The following FBXL7 variants were observed in gnomAD, a reference collection of about 807,000 sequenced individuals.
FBXL7 encodes the protein F-box/LRR-repeat protein 7.
In FBXL7, 12 loss-of-function variants were observed where a neutral mutation model predicts 38.3. The ratio of observed to expected loss-of-function variants is 0.31; its 90% CI spans 0.20 to 0.51. The LOEUF is 0.51. Ranked by LOEUF, FBXL7 falls within the 20% of genes least tolerant of loss-of-function variation. FBXL7 has a pLI of 0.98. For missense variants in FBXL7, 567 were observed against 676.4 expected (o/e 0.84, Z 1.79); for synonymous variants, 297 against 300.9 (o/e 0.99, Z 0.13).
At position 15,857,885 on chromosome 5, in the gene FBXL7, ATG is replaced by A. The variant is rs201368638; in HGVS notation, c.128-70001_128-70000del. ...TTGTAAATGCTACAGCATCTGGTAT[ATG>A]TGTATATGTGTATAATTATTGAATG... On this transcript the variant is annotated intron_variant, in intron 2 of 3. Coordinates refer to ENST00000504595, the MANE Select transcript of FBXL7 (RefSeq NM_012304.5). 6.7e-3 allele frequency among the ~76,000 whole-genome samples: 1,018 copies of A among 151,646 alleles called. 8 individuals carry two copies. Among genetic ancestry groups the A allele is most frequent in the African/African-American group, 0.023 (935 of 40,972 alleles).
intron 2 of FBXL7, among the ~76,000 whole-genome samples, chr5:15,641,502 A>ATTT (rs201635639): frequency 3.0e-4 from 43 of 143,324 alleles, no homozygotes; most frequent in East Asian, 1.6e-3. Context: ...TATGACTGCC[A>ATTT]TTTTTTTTTT....
At position 15,500,911 on chromosome 5, in the gene FBXL7, G is replaced by T. The variant is rs111545881; in HGVS notation, c.37+198G>T. 5.5e-3 allele frequency among the ~76,000 whole-genome samples: 843 copies of T among 152,300 alleles called. 10 individuals carry two copies. The highest frequency in any genetic ancestry group is 0.02 in the African/African-American group (812 of 41,564). On this transcript the variant is annotated intron_variant, in intron 1 of 3. Coordinates refer to ENST00000504595, the MANE Select transcript of FBXL7 (RefSeq NM_012304.5). ...CGCCCCGAGGATGCTTTTCCACTGT[G>T]GGGGTCTCTTTAAGCAACTTCCCAG...
chr5:15,778,717 C>T (rs1230638668), intron 2 of FBXL7, among the ~76,000 whole-genome samples: 1 of 152,062 alleles, frequency 6.6e-6, no homozygotes, highest in Non-Finnish European at 1.5e-5. Flanking sequence ...GAGAATCCCC[C>T]TTCATAGAAC....
At chr5:15,647,587 A>G (rs552973806) in intron 2 of FBXL7, among the ~76,000 whole-genome samples, 1 of 152,230 alleles carries the variant, frequency 6.6e-6, no homozygotes, top group Non-Finnish European at 1.5e-5. Flanking sequence ...TAGTGAATTA[A>G]TATAATTTAC....
chr5:15,622,935 C>T (rs1740701669), intron 2 of FBXL7, among the ~76,000 whole-genome samples: 2 of 151,912 alleles, frequency 1.3e-5, no homozygotes, highest in Non-Finnish European at 1.5e-5. Context: ...AAACTCATGA[C>T]CTCAAGTGAT....
At chr5:15,607,344 G>A (rs1740060331) in intron 1 of FBXL7, 1 of 152,152 alleles carries the variant, frequency 6.6e-6, no homozygotes, top group South Asian at 2.1e-4. Flanking sequence ...CAGTGCGTAT[G>A]ATCTGGAATA....
In FBXL7 at chr5:15,900,406, G is replaced by A. The variant is rs146006220; in HGVS notation, c.128-27484G>A. 7.0e-3 allele frequency among the ~76,000 whole-genome samples: 1,061 copies of A among 152,296 alleles called. 13 individuals carry two copies. Among genetic ancestry groups the A allele is most frequent in the African/African-American group, 0.025 (1,020 of 41,562 alleles). On this transcript the variant is annotated intron_variant, in intron 2 of 3. Coordinates refer to ENST00000504595, the MANE Select transcript of FBXL7 (RefSeq NM_012304.5). Reference sequence around the variant, plus strand: ...AGAAGAAAAACCTACTTTTCTTGGTGTTGGGGTCTGTAGGGATCTGTTCGT... The same window carrying A: ...AGAAGAAAAACCTACTTTTCTTGGTATTGGGGTCTGTAGGGATCTGTTCGT...
chr5:15,860,821 T>G (rs1464590654), intron 2 of FBXL7, among the ~76,000 whole-genome samples: 1 of 152,144 alleles, frequency 6.6e-6, no homozygotes, highest in East Asian at 1.9e-4. Context: ...TGACAGGAGA[T>G]TTAGAAACTA....
intron 2 of FBXL7, among the ~76,000 whole-genome samples, chr5:15,728,588 TA>T (rs369834377): frequency 4.2e-4 from 64 of 152,274 alleles, no homozygotes; most frequent in African/African-American, 1.4e-3. Flanking sequence ...TCTACAATTT[TA>T]AAAAACTGGG....
intron 2 of FBXL7, among the ~76,000 whole-genome samples, chr5:15,668,967 A>G (rs1742372574): frequency 6.6e-6 from 1 of 152,240 alleles, no homozygotes; most frequent in Non-Finnish European, 1.5e-5. Context: ...TAAATGAGAT[A>G]ATACATATAC....
intron 2 of FBXL7, among the ~76,000 whole-genome samples, chr5:15,632,783 T>C (rs1184564474): frequency 1.3e-5 from 2 of 152,186 alleles, no homozygotes; most frequent in Admixed American, 1.3e-4. Context: ...AACCAAATAC[T>C]GTGTGTTATC....
chr5:15,913,251 T>A (rs76513764), intron 2 of FBXL7, among the ~76,000 whole-genome samples: 1 of 139,438 alleles, frequency 7.2e-6, no homozygotes, highest in Non-Finnish European at 1.5e-5. Context: ...TTTTTTTTTT[T>A]AATGTTTTTT....
chr5:15,616,362 C>T (rs1740452467), intron 2 of FBXL7, among the ~76,000 whole-genome samples: 1 of 152,106 alleles, frequency 6.6e-6, no homozygotes, highest in South Asian at 2.1e-4. Flanking sequence ...ATATCATATA[C>T]CTTGTCTTTC....
At chr5:15,617,584 A>G (rs971541847) in intron 2 of FBXL7, among the ~76,000 whole-genome samples, 1 of 152,064 alleles carries the variant, frequency 6.6e-6, no homozygotes, top group African/African-American at 2.4e-5. Flanking sequence ...GCCTACAGGC[A>G]CCTGCCACTA....
intron 1 of FBXL7, among the ~76,000 whole-genome samples, chr5:15,546,589 G>A (rs149877199): frequency 6.6e-6 from 1 of 152,012 alleles, no homozygotes; most frequent in South Asian, 2.1e-4. Context: ...AAATTAGCTG[G>A]GTGTGGTGGC....
intron 2 of FBXL7, among the ~76,000 whole-genome samples, chr5:15,636,995 A>T (rs1469113243): frequency 6.6e-6 from 1 of 152,132 alleles, no homozygotes; most frequent in Non-Finnish European, 1.5e-5. Flanking sequence ...CAAGTCTATG[A>T]ATGACACAGC....
Position 15,763,191 on chromosome 5 carries a change from G to C in FBXL7, c.127+147119G>C, listed in dbSNP as rs146837841. On this transcript the variant is annotated intron_variant, in intron 2 of 3. Transcript: ENST00000504595. ...TCCTAGGTGTAAATCCCAGCCCTTC[G>C]CACTTGCCACCTGTGGATACTACTC... Among the ~76,000 whole-genome samples, 51 of 152,184 alleles carry C rather than the reference G, an allele frequency of 3.4e-4. No individual in the cohort carries two copies. The South Asian group carries it at 3.5e-3, about 11-fold the overall frequency.
intron 1 of FBXL7, among the ~76,000 whole-genome samples, chr5:15,536,906 G>A (rs772035808): frequency 2.6e-5 from 4 of 152,108 alleles, no homozygotes; most frequent in Non-Finnish European, 4.4e-5. Context: ...AATCCCATGT[G>A]TTGAGGGAGG....
chr5:15,866,430 T>A (rs1369980718), intron 2 of FBXL7, among the ~76,000 whole-genome samples: 1 of 152,216 alleles, frequency 6.6e-6, no homozygotes, highest in Admixed American at 6.5e-5. Flanking sequence ...ATAACACATA[T>A]GTGCAGATAG....
Sources: allele counts gnomAD v4.1 joint callset (sites outside exome capture counted in the v4.1 genomes callset), GRCh38; gene constraint gnomAD v4.1.1; transcripts MANE v1.5; gene names NCBI Gene and HGNC (gene_info 2026-07-23, HGNC 2026-07-21).